BSND: variants seen among roughly 807,000 people sequenced by gnomAD.
The protein encoded by BSND is barttin.
In BSND, 13 loss-of-function variants were observed where a neutral mutation model predicts 18.8. The ratio of observed to expected loss-of-function variants is 0.69; its 90% CI spans 0.45 to 1.10. The LOEUF is 1.10. BSND is among the 50% of genes least tolerant of loss of function. The pLI, the probability that BSND is intolerant of heterozygous loss-of-function variation, is 0.00. For missense variants in BSND, 379 were observed against 416.7 expected (o/e 0.91, Z 0.79); for synonymous variants, 170 against 161.8 (o/e 1.05, Z -0.39).
intron 1 of BSND, among the ~76,000 whole-genome samples, chr1:54,999,662 A>C (rs1410074295): frequency 6.6e-6 from 1 of 152,158 alleles, no homozygotes; most frequent in Non-Finnish European, 1.5e-5. Context: ...CTTGAAACAA[A>C]AGCTAATGAG....
intron 3 of BSND, 81 bp downstream of exon 3, chr1:55,007,353 T>A: frequency 3.6e-5 from 11 of 305,406 alleles, no homozygotes; most frequent in Non-Finnish European, 6.7e-5. Flanking sequence ...CGCCGAGGGG[T>A]GGGTGGGGAC....
chr1:54,999,518 C>CCCATCCAT lies in BSND; in HGVS notation c.177+190_177+197dup, dbSNP rs375479641. Among the ~76,000 whole-genome samples the CCCATCCAT allele has an allele frequency of 2.9e-3, 434 of 148,860 alleles. 3 individuals are homozygous for CCCATCCAT. Among genetic ancestry groups the CCCATCCAT allele is most frequent in the Middle Eastern group, 0.01 (3 of 292 alleles). The stretch of plus-strand genomic sequence containing the variant: ...TCTCTCTGCTCTCCTGAGCGTCTGT[C>CCCATCCAT]CCATCCATCCATCCATCCATCCATC... On this transcript the variant is annotated intron_variant, in intron 1 of 3. Coordinates refer to ENST00000651561, the MANE Select transcript of BSND (RefSeq NM_057176.3).
In BSND at chr1:55,005,128, G is replaced by A; in HGVS notation, c.272+12G>A. 6.2e-7 allele frequency: 1 copy of A among 1,613,654 alleles called. No homozygotes were observed. The highest frequency in any genetic ancestry group is 8.5e-7 in the Non-Finnish European group (1 of 1,179,706). On this transcript the variant is annotated intron_variant, in intron 2 of 3. Coordinates refer to ENST00000651561, the MANE Select transcript of BSND (RefSeq NM_057176.3). ...GCCGAGATGAAGAGGTAGGTGCCAG[G>A]CCCTCTCGGGAGGGGAGGAGTAAGC...
In BSND at chr1:55,015,041, T is replaced by C. The variant is rs907405364; in HGVS notation, c.*6413T>C. ...TTGGCCATGGGGCTTCTTGAATTCC[T>C]GCCACGGAGCTCAGATTTGTTCTGA... On this transcript the variant is annotated 3_prime_UTR_variant, in exon 4 of 4. Transcript: ENST00000651561. Among the ~76,000 whole-genome samples, 2 of 152,170 alleles carry C rather than the reference T, an allele frequency of 1.3e-5. No homozygotes were observed. Among genetic ancestry groups the C allele is most frequent in the African/African-American group, 2.4e-5 (1 of 41,450 alleles).
rs1332866708 is a variant in BSND at position 55,007,115 on chromosome 1, T to C, written c.391T>C (p.Leu131=). The change falls in exon 3 of 4, where the codon TTG becomes CTG. Residue 131 remains leucine, a synonymous_variant. Coordinates refer to ENST00000651561, the MANE Select transcript of BSND (RefSeq NM_057176.3). ...GAGCTACAGTGAGGACCACCGCTCCTTGCTGGCCCCTGAGATGGGGCAGCC... is the reference window on the plus strand; with the variant it reads ...GAGCTACAGTGAGGACCACCGCTCCCTGCTGGCCCCTGAGATGGGGCAGCC... ...VMSYSEDHRS[L]LAPEMGQPKL... 1.9e-6 allele frequency: 3 copies of C among 1,614,082 alleles called. No individual in the cohort carries two copies. The highest frequency in any genetic ancestry group is 2.5e-6 in the Non-Finnish European group (3 of 1,180,040).
chr1:55,008,818 G>A lies in BSND; in HGVS notation c.*190G>A, dbSNP rs1644406154. The stretch of plus-strand genomic sequence containing the variant: ...TTAGTGGACTCTTGTTTTTCCAATA[G>A]TTAGTGGTCTTTGGCCAACCTTTGA... On this transcript the variant is annotated 3_prime_UTR_variant, in exon 4 of 4. Coordinates refer to ENST00000651561, the MANE Select transcript of BSND (RefSeq NM_057176.3). 4 of 885,992 alleles carry A rather than the reference G, an allele frequency of 4.5e-6. No homozygotes were observed. Among genetic ancestry groups the A allele is most frequent in the Non-Finnish European group, 5.2e-6 (3 of 580,274 alleles). The allele number at this position is 885,992 out of a possible 1,614,324, so 54.9% of individuals were successfully genotyped here.
chr1:54,999,135 A>G lies in BSND; in HGVS notation c.-52A>G. On this transcript the variant is annotated 5_prime_UTR_variant, in exon 1 of 4. Transcript: ENST00000651561. ...CCTGTCTCGGTGTTTAGGCTGAACT[A>G]CAGCCACCCCCTCTCCCGGGGGTGT... The G allele has an allele frequency of 1.2e-6, 2 of 1,604,296 alleles. No homozygotes were observed. Among genetic ancestry groups the G allele is most frequent in the Non-Finnish European group, 1.7e-6 (2 of 1,174,422 alleles).
chr1:55,007,662 C>T (rs907713937), intron 3 of BSND, among the ~76,000 whole-genome samples: 4 of 152,130 alleles, frequency 2.6e-5, no homozygotes, highest in Admixed American at 6.6e-5. Flanking sequence ...AGCCAGAGGA[C>T]CCGAGTTCAA....
chr1:55,008,186 C>T, intron 3 of BSND, 28 bp from the exon 4 acceptor site: 1 of 1,601,148 alleles, frequency 6.2e-7, no homozygotes, highest in Non-Finnish European at 8.6e-7. Flanking sequence ...CAGAGATACC[C>T]TTGCCCTTGT....
chr1:55,003,626 G>T (rs1486773885), intron 1 of BSND, among the ~76,000 whole-genome samples: 1 of 152,108 alleles, frequency 6.6e-6, no homozygotes. Flanking sequence ...TATGAATCTG[G>T]TATAATACAG....
rs1162226850 is a variant in BSND at position 55,012,972 on chromosome 1, C to T, written c.*4344C>T. On this transcript the variant is annotated 3_prime_UTR_variant, in exon 4 of 4. Transcript: ENST00000651561. ...ATTGAATTTAATTTTTCCATCTGCC[C>T]TGAGAGATGGGTATTACCAGGGGAG... is the stretch of plus-strand genomic sequence containing the variant. Among the ~76,000 whole-genome samples the T allele has an allele frequency of 6.6e-6, 1 of 152,106 alleles. No individual in the cohort carries two copies. Among genetic ancestry groups the T allele is most frequent in the Admixed American group, 6.5e-5 (1 of 15,276 alleles).
rs144216733 is a variant in BSND, at chr1:55,013,162, G to GTATT, written c.*4548_*4551dup. Among the ~76,000 whole-genome samples the GTATT allele has an allele frequency of 0.024, 3,615 of 152,100 alleles. 107 individuals are homozygous for GTATT. The highest frequency in any genetic ancestry group is 0.073 in the South Asian group (353 of 4,812). On this transcript the variant is annotated 3_prime_UTR_variant, in exon 4 of 4. Coordinates refer to ENST00000651561, the MANE Select transcript of BSND (RefSeq NM_057176.3). ...TGTATTGTCCCCATTTTATTTTTAT[G>GTATT]TATTTATTTATTTATTTTGAGATGG...
Position 55,008,511 on chromosome 1 carries a change from C to T in BSND, c.846C>T (p.Asp282=). 1 of 1,614,202 alleles carries T rather than the reference C, an allele frequency of 6.2e-7. No homozygotes were observed. The highest frequency in any genetic ancestry group is 2.2e-5 in the East Asian group (1 of 44,872). Residue 282 remains aspartate, a synonymous_variant, in exon 4 of 4, where the codon GAC becomes GAT. Coordinates refer to ENST00000651561, the MANE Select transcript of BSND (RefSeq NM_057176.3). Reference sequence around the variant, plus strand: ...AGGTGGAGGAGAAGGAGGCTTCGGACACAGGTGGGGAGGAACCTGAGAAGG... The same window carrying T: ...AGGTGGAGGAGAAGGAGGCTTCGGATACAGGTGGGGAGGAACCTGAGAAGG... ...RTKVEEKEAS[D]TGGEEPEKEE...
intron 1 of BSND, among the ~76,000 whole-genome samples, chr1:55,003,762 G>A (rs925092583): frequency 1.3e-5 from 2 of 152,172 alleles, no homozygotes; most frequent in Non-Finnish European, 2.9e-5. Context: ...ATGTGCTGGG[G>A]ACCATGCTGA....
At chr1:55,005,547 C>CTT (rs1322376137) in intron 2 of BSND, among the ~76,000 whole-genome samples, 1 of 152,240 alleles carries the variant, frequency 6.6e-6, no homozygotes, top group East Asian at 1.9e-4. Context: ...ACTGACCTCT[C>CTT]TTTGCCTCGT....
rs1209714000 is a variant in BSND at position 55,015,608 on chromosome 1, T to A, written c.*6980T>A. On this transcript the variant is annotated 3_prime_UTR_variant, in exon 4 of 4. Coordinates refer to ENST00000651561, the MANE Select transcript of BSND (RefSeq NM_057176.3). ...AAGCCTGGGGGTAAGGAGGGCTAGA[T>A]TTTATCTAGTCATGTGTTCATTCAT... 6.6e-6 allele frequency among the ~76,000 whole-genome samples: 1 copy of A among 152,134 alleles called. No homozygotes were observed. Among genetic ancestry groups the A allele is most frequent in the Admixed American group, 6.5e-5 (1 of 15,270 alleles).
chr1:55,000,320 G>A (rs1644354861), intron 1 of BSND, among the ~76,000 whole-genome samples: 1 of 152,174 alleles, frequency 6.6e-6, no homozygotes, highest in South Asian at 2.1e-4. Flanking sequence ...AGCTGGTCAG[G>A]TACAGACCCA....
intron 1 of BSND, among the ~76,000 whole-genome samples, chr1:55,001,167 C>T (rs1210304371): frequency 2.0e-5 from 3 of 151,234 alleles, no homozygotes; most frequent in Non-Finnish European, 4.4e-5. Flanking sequence ...CAGCTCTGAG[C>T]CTTGTACGGC....
At chr1:55,004,294 G>C (rs999848429) in intron 1 of BSND, among the ~76,000 whole-genome samples, 6 of 152,220 alleles carry the variant, frequency 3.9e-5, no homozygotes, top group African/African-American at 1.2e-4. Flanking sequence ...CTCTGAACAT[G>C]GCTGTGCAAG....
Sources: allele counts gnomAD v4.1 joint callset (sites outside exome capture counted in the v4.1 genomes callset), GRCh38; gene constraint gnomAD v4.1.1; transcripts MANE v1.5; gene names NCBI Gene and HGNC (gene_info 2026-07-23, HGNC 2026-07-21).